Variants in PDE7B observed in about 807,000 individuals in gnomAD.
PDE7B encodes phosphodiesterase 7B.
Under a neutral mutation model 56.2 loss-of-function variants are expected in PDE7B, and 29 were observed. The ratio of observed to expected loss-of-function variants is 0.52; its 90% confidence interval spans 0.38 to 0.70. The LOEUF (loss-of-function observed/expected upper bound fraction) is 0.70. PDE7B is among the 30% of genes least tolerant of loss of function. The pLI is 0.00. For synonymous variants in PDE7B, 197 were observed against 196.9 expected, an observed-to-expected ratio of 1.00 and a Z score of 0.00; for missense variants, 490 against 565.0, an observed-to-expected ratio of 0.87 and a Z score of 1.35.
chr6:135,973,626 C>T (rs1775132615), intron 2 of PDE7B, among the ~76,000 whole-genome samples: 1 of 152,174 alleles, frequency 6.6e-6, no homozygotes, highest in African/African-American at 2.4e-5. Flanking sequence ...CACATCCTCA[C>T]CAACATTTGT....
At chr6:135,902,287 A>G (rs1776016188) in intron 1 of PDE7B, among the ~76,000 whole-genome samples, 1 of 152,046 alleles carries the variant, frequency 6.6e-6, no homozygotes, top group Non-Finnish European at 1.5e-5. Context: ...CAATGGAAGC[A>G]GAGCACACAG....
intron 3 of PDE7B, among the ~76,000 whole-genome samples, chr6:136,137,614 G>A (rs1036795696): frequency 6.6e-6 from 1 of 152,014 alleles, no homozygotes; most frequent in African/African-American, 2.4e-5. Flanking sequence ...GACAGAAACA[G>A]CCTTATAATA....
intron 11 of PDE7B, among the ~76,000 whole-genome samples, chr6:136,183,606 A>G (rs1779102280): frequency 6.6e-6 from 1 of 150,752 alleles, no homozygotes; most frequent in African/African-American, 2.4e-5. Flanking sequence ...AAAAAAAAAA[A>G]AAAAAAGAAA....
chr6:136,008,699 A>C (rs1775833370), intron 2 of PDE7B, among the ~76,000 whole-genome samples: 1 of 152,016 alleles, frequency 6.6e-6, no homozygotes, highest in African/African-American at 2.4e-5. Flanking sequence ...GTTTCTTGTA[A>C]ATTTGTTGGA....
rs1224026667 is a variant in PDE7B at position 135,897,284 on chromosome 6, GT to G, written c.21+45266del. Among the ~76,000 whole-genome samples, 19 of 152,158 alleles carry G rather than the reference GT, an allele frequency of 1.2e-4. No individual in the cohort carries two copies. In the East Asian group the frequency reaches 1.5e-3, roughly 12 times the overall value. On this transcript the variant is annotated intron_variant, in intron 1 of 12. Coordinates refer to ENST00000308191, the MANE Select transcript of PDE7B (RefSeq NM_018945.4). ...TCAGGGTGTGTGTGTGTGTGTGTGTGTGTGGGTATGTGTGTAGGCGGAGGAA... is the reference window on the plus strand; with the variant it reads ...TCAGGGTGTGTGTGTGTGTGTGTGTGGTGGGTATGTGTGTAGGCGGAGGAA...
At chr6:136,004,734 T>C (rs199591818) in intron 2 of PDE7B, among the ~76,000 whole-genome samples, 177 of 152,206 alleles carry the variant, frequency 1.2e-3, no homozygotes, top group Admixed American at 4.1e-3. Context: ...ACATTCCATG[T>C]TCATGGGTAG....
intron 3 of PDE7B, among the ~76,000 whole-genome samples, chr6:136,123,766 C>T (rs1777977303): frequency 6.6e-6 from 1 of 152,214 alleles, no homozygotes; most frequent in Admixed American, 6.5e-5. Context: ...AACTTCAAAA[C>T]AATCTTTGTG....
intron 2 of PDE7B, among the ~76,000 whole-genome samples, chr6:136,010,493 C>G (rs532497092): frequency 3.3e-5 from 5 of 151,456 alleles, no homozygotes; most frequent in African/African-American, 1.2e-4. Context: ...GCAACCTCCA[C>G]CTCCTGGGTT....
chr6:136,067,797 C>A (rs1004092942), intron 2 of PDE7B, among the ~76,000 whole-genome samples: 1 of 152,086 alleles, frequency 6.6e-6, no homozygotes, highest in African/African-American at 2.4e-5. Flanking sequence ...CCTTGTGGAT[C>A]GCTAATTGGA....
chr6:136,037,955 C>T (rs1776351954), intron 2 of PDE7B: 2 of 1,212,666 alleles, frequency 1.6e-6, no homozygotes, highest in Non-Finnish European at 2.1e-6. Flanking sequence ...AACTCAGTGC[C>T]AGAGAGAGGA....
At chr6:135,852,040 C>G in intron 1 of PDE7B, 21 bp downstream of exon 1, 1 of 1,579,386 alleles carries the variant, frequency 6.3e-7, no homozygotes. Flanking sequence ...CAAATTTAAG[C>G]GGCAAGCTCA....
intron 1 of PDE7B, among the ~76,000 whole-genome samples, chr6:135,904,519 T>C (rs1423696460): frequency 2.6e-5 from 4 of 152,294 alleles, no homozygotes; most frequent in African/African-American, 9.6e-5. Context: ...CCTTTCTCCA[T>C]TTCCAAATGG....
chr6:135,989,324 G>A (rs961231419), intron 2 of PDE7B, among the ~76,000 whole-genome samples: 4 of 152,000 alleles, frequency 2.6e-5, no homozygotes, highest in East Asian at 1.9e-4. Context: ...AAAAATGTAC[G>A]TTATCAGGGC....
intron 2 of PDE7B, among the ~76,000 whole-genome samples, chr6:135,951,866 TAGTC>T (rs1030716162): frequency 1.3e-5 from 2 of 152,146 alleles, no homozygotes; most frequent in African/African-American, 2.4e-5. Context: ...GTATTCATAT[TAGTC>T]AGTTTTCTGG....
chr6:135,995,633 A>G (rs565563018), intron 2 of PDE7B, among the ~76,000 whole-genome samples: 3 of 152,244 alleles, frequency 2.0e-5, no homozygotes, highest in Middle Eastern at 3.4e-3. Context: ...CAGCATACCT[A>G]TATGTTCTGT....
At chr6:136,041,464 A>G (rs1285451537) in intron 2 of PDE7B, among the ~76,000 whole-genome samples, 6 of 152,262 alleles carry the variant, frequency 3.9e-5, no homozygotes, top group African/African-American at 1.4e-4. Context: ...GGTGATACAT[A>G]GAAACGTCTT....
intron 1 of PDE7B, among the ~76,000 whole-genome samples, chr6:135,936,477 C>T (rs1774425026): frequency 6.6e-6 from 1 of 152,156 alleles, no homozygotes; most frequent in Admixed American, 6.5e-5. Context: ...TATTTGTTGG[C>T]AACACACAGT....
At chr6:136,176,657 G>A (rs1273220520) in intron 9 of PDE7B, among the ~76,000 whole-genome samples, 3 of 151,894 alleles carry the variant, frequency 2.0e-5, no homozygotes, top group African/African-American at 7.3e-5. Flanking sequence ...ATTTGTAGAT[G>A]GACTGTTGGT....
At chr6:136,064,175 A>C (rs1776892220) in intron 2 of PDE7B, among the ~76,000 whole-genome samples, 1 of 152,190 alleles carries the variant, frequency 6.6e-6, no homozygotes, top group Non-Finnish European at 1.5e-5. Context: ...TTAGTATTTA[A>C]AATTTCTCTG....
Sources: allele counts gnomAD v4.1 joint callset (sites outside exome capture counted in the v4.1 genomes callset), GRCh38; gene constraint gnomAD v4.1.1; transcripts MANE v1.5; gene names NCBI Gene and HGNC (gene_info 2026-07-23, HGNC 2026-07-21).